Variants in EIF2A observed in about 807,000 individuals in gnomAD.
EIF2A encodes eukaryotic translation initiation factor 2A.
A neutral mutation model predicts 75.2 loss-of-function variants in EIF2A; 62 were observed. That is an observed-to-expected ratio of 0.82 (90% confidence interval 0.67 to 1.02). EIF2A has a LOEUF of 1.02. Ranked by LOEUF, EIF2A falls within the 50% of genes least tolerant of loss-of-function variation. The probability of loss-of-function intolerance (pLI) is 0.00; values close to 1 mark genes in which losing one functional copy is unlikely to be tolerated. For synonymous variants in EIF2A, 207 were observed against 239.0 expected (o/e 0.87, Z 1.23); for missense variants, 611 against 677.7 (o/e 0.90, Z 1.09).
chr3:150,558,573 C>T, intron 3 of EIF2A, 111 bp downstream of exon 3: 1 of 962,804 alleles, frequency 1.0e-6, no homozygotes, highest in Non-Finnish European at 1.4e-6. Flanking sequence ...CTTTTAATGT[C>T]ATGATGTAGT....
chr3:150,564,193 T>G, intron 5 of EIF2A, 106 bp from the exon 6 acceptor site: 2 of 835,724 alleles, frequency 2.4e-6, no homozygotes, highest in Non-Finnish European at 3.6e-6. Flanking sequence ...TTATAAGTGT[T>G]TTTCCTTAAA....
rs1184885978 is a variant in EIF2A, at chr3:150,584,918, T to G, written c.*1007T>G. On this transcript the variant is annotated 3_prime_UTR_variant, in exon 14 of 14. Transcript: ENST00000460851. ...AAATACAAAGGCATGCAATGAAAAT[T>G]AAGTCTGTTCCACTACCACATTTTC... Among the ~76,000 whole-genome samples, 1 of 152,098 alleles carries G rather than the reference T, an allele frequency of 6.6e-6. No individual in the cohort carries two copies. The highest frequency in any genetic ancestry group is 1.5e-5 in the Non-Finnish European group (1 of 68,002).
At chr3:150,568,773 C>A (rs973274341) in intron 9 of EIF2A, among the ~76,000 whole-genome samples, 6 of 152,074 alleles carry the variant, frequency 3.9e-5, no homozygotes, top group Non-Finnish European at 2.9e-5. Flanking sequence ...AAAAGTTAGC[C>A]AGGCATGGTG....
intron 6 of EIF2A, chr3:150,564,807 A>G (rs1724082138): frequency 5.5e-6 from 1 of 180,716 alleles, no homozygotes; most frequent in Non-Finnish European, 1.2e-5. Context: ...ATATGGTTAT[A>G]CTTTTATATA....
At position 150,562,656 on chromosome 3, in the gene EIF2A, CACT is replaced by C. The variant is rs2107924095; in HGVS notation, c.290_292del (p.Thr98del). On this transcript the variant is annotated inframe_deletion and splice_region_variant, in exon 4 of 14. Transcript: ENST00000460851. The stretch of plus-strand genomic sequence containing the variant: ...CTGTCCTGGCAACGTGGCAGCCTTA[CACT>C]AGTAAGTATTTTCTCAGTGTAAAAA... The C allele has an allele frequency of 1.2e-6, 2 of 1,610,294 alleles. No individual in the cohort carries two copies. Among genetic ancestry groups the C allele is most frequent in the Non-Finnish European group, 1.7e-6 (2 of 1,177,456 alleles).
intron 11 of EIF2A, among the ~76,000 whole-genome samples, chr3:150,579,816 G>T (rs1382333512): frequency 2.0e-5 from 3 of 152,038 alleles, no homozygotes; most frequent in Non-Finnish European, 4.4e-5. Context: ...GTTCCCTGAG[G>T]ATCTGAGGAT....
At chr3:150,580,763 C>A (rs540068760) in intron 11 of EIF2A, among the ~76,000 whole-genome samples, 1 of 152,192 alleles carries the variant, frequency 6.6e-6, no homozygotes, top group Non-Finnish European at 1.5e-5. Flanking sequence ...ATAAGGGTTA[C>A]TTAAACACAA....
intron 3 of EIF2A, among the ~76,000 whole-genome samples, chr3:150,558,930 T>G (rs2107916063): frequency 6.6e-6 from 1 of 152,334 alleles, no homozygotes; most frequent in African/African-American, 2.4e-5. Flanking sequence ...TAATATATGT[T>G]ACATAAAATA....
chr3:150,552,476 A>G, intron 2 of EIF2A, 51 bp downstream of exon 2: 1 of 1,463,448 alleles, frequency 6.8e-7, no homozygotes, highest in Non-Finnish European at 9.2e-7. Context: ...AGTACAATCT[A>G]AAATGGTTTT....
chr3:150,581,605 A>G lies in EIF2A; in HGVS notation c.1498-13A>G. 2 of 1,547,556 alleles carry G rather than the reference A, an allele frequency of 1.3e-6. No individual in the cohort carries two copies. Among genetic ancestry groups the G allele is most frequent in the South Asian group, 1.2e-5 (1 of 83,096 alleles). ...GGCTTTTAAAATTGAATTTAAAAAA[A>G]TATTTCCTGCAGGAAGCAAGAAGTG... On this transcript the variant is annotated splice_polypyrimidine_tract_variant and intron_variant, in intron 11 of 13. Coordinates refer to ENST00000460851, the MANE Select transcript of EIF2A (RefSeq NM_032025.5).
rs1248604560 is a variant in EIF2A, at chr3:150,567,952, A to T, written c.600A>T (p.Leu200Phe). The T allele has an allele frequency of 6.2e-7, 1 of 1,613,224 alleles. No homozygotes were observed. The highest frequency in any genetic ancestry group is 1.3e-5 in the African/African-American group (1 of 74,884). The change falls in exon 8 of 14, where the codon TTA (leucine) becomes TTT (phenylalanine). Residue 200 changes from leucine (L) to phenylalanine (F), a missense_variant. Coordinates refer to ENST00000460851, the MANE Select transcript of EIF2A (RefSeq NM_032025.5). ...AAGGTGCACCTTCATTTGTTAGATT[A>T]TATCAGTACCCCAACTTTGCTGGAC... ...GSKGAPSFVR[L>F]YQYPNFAGPH...
intron 2 of EIF2A, among the ~76,000 whole-genome samples, chr3:150,556,045 C>G (rs1038715835): frequency 2.6e-4 from 39 of 152,220 alleles, no homozygotes; most frequent in Admixed American, 7.9e-4. Flanking sequence ...AGTGCCAGAG[C>G]TCCTCCATGT....
intron 10 of EIF2A, 70 bp downstream of exon 10, chr3:150,572,599 A>T (rs1724601151): frequency 6.9e-7 from 1 of 1,443,962 alleles, no homozygotes; most frequent in Non-Finnish European, 9.4e-7. Flanking sequence ...TCACATCCGT[A>T]ATCCCAGCAC....
At chr3:150,561,795 A>AT (rs60277430) in intron 3 of EIF2A, among the ~76,000 whole-genome samples, 45,727 of 143,330 alleles carry the variant, frequency 0.32, 7,702 homozygotes, top group East Asian at 0.49. Flanking sequence ...TAAAATATAC[A>AT]TTTTTTTTTT....
In EIF2A at chr3:150,564,210, C is replaced by T; in HGVS notation, c.393-89C>T. ...ATAAGTGTTTTTCCTTAAATGGTAA[C>T]CAATATCATAAATTACTTTAACATG... On this transcript the variant is annotated intron_variant, in intron 5 of 13. Coordinates refer to ENST00000460851, the MANE Select transcript of EIF2A (RefSeq NM_032025.5). The T allele has an allele frequency of 1.1e-5, 11 of 969,102 alleles. 1 individual carries two copies. The highest frequency in any genetic ancestry group is 1.6e-5 in the Non-Finnish European group (11 of 672,736). 60.0% of individuals were successfully genotyped at this position (969,102 alleles called of 1,614,324 possible). A position where few individuals can be genotyped will look rare whatever the true frequency, so the allele number is the denominator to read the frequency against.
At chr3:150,547,983 T>G (rs933297752) in intron 1 of EIF2A, among the ~76,000 whole-genome samples, 2 of 152,260 alleles carry the variant, frequency 1.3e-5, no homozygotes, top group African/African-American at 2.4e-5. Flanking sequence ...AAAATTACAT[T>G]CTAAAATCTG....
chr3:150,572,321 A>T lies in EIF2A; in HGVS notation c.1175A>T (p.Tyr392Phe), dbSNP rs370739156. 78 of 1,613,914 alleles carry T rather than the reference A, an allele frequency of 4.8e-5. No individual in the cohort carries two copies. The highest frequency in any genetic ancestry group is 5.8e-5 in the Non-Finnish European group (69 of 1,179,904). The change falls in exon 10 of 14, where the codon TAT (tyrosine) becomes TTT (phenylalanine). Residue 392 changes from tyrosine (Y) to phenylalanine (F), a missense_variant. By Grantham distance (22) the Tyr-to-Phe change is conservative (BLOSUM62 3). Coordinates refer to ENST00000460851, the MANE Select transcript of EIF2A (RefSeq NM_032025.5). ...AATAATGGATACAAAATTTGGCATTATACTGGCTCTATCTTGCACAAGTAT... is the reference window on the plus strand; with the variant it reads ...AATAATGGATACAAAATTTGGCATTTTACTGGCTCTATCTTGCACAAGTAT... ...RVNNGYKIWH[Y>F]TGSILHKYDV... is the part of the protein sequence containing the mutation.
intron 10 of EIF2A, among the ~76,000 whole-genome samples, chr3:150,574,303 G>T (rs1231295823): frequency 1.3e-5 from 2 of 152,182 alleles, no homozygotes; most frequent in African/African-American, 4.8e-5. Flanking sequence ...TATAGTAGTT[G>T]TGTGGATTTT....
intron 9 of EIF2A, 89 bp downstream of exon 9, chr3:150,568,381 C>A: frequency 9.3e-7 from 1 of 1,078,606 alleles, no homozygotes; most frequent in Non-Finnish European, 1.3e-6. Flanking sequence ...AATTCTTGAT[C>A]AAAAGATAGA....
Sources: gnomAD v4.1 joint callset for allele counts (sites outside exome capture counted in the v4.1 genomes callset) on GRCh38, gnomAD v4.1.1 for gene constraint, MANE v1.5 for transcripts, NCBI Gene and HGNC (gene_info 2026-07-23, HGNC 2026-07-21) for gene names.